TNRC18: variants seen among roughly 807,000 people sequenced by gnomAD.
TNRC18 encodes the protein trinucleotide repeat containing 18.
TNRC18 carries 69 observed loss-of-function variants against 226.7 expected under a neutral mutation model. The ratio of observed to expected loss-of-function variants is 0.30; its 90% CI spans 0.25 to 0.37. The LOEUF is 0.37. Among genes scored for constraint, TNRC18 ranks in the 10% least tolerant of loss-of-function variants. The probability of loss-of-function intolerance (pLI) is 1.00; values close to 1 mark genes in which losing one functional copy is unlikely to be tolerated. For missense variants in TNRC18, 4,754 were observed against 4,256.6 expected (o/e 1.12, Z -3.25); for synonymous variants, 2,449 against 1,927.6 (o/e 1.27, Z -7.09).
chr7:5,389,260 G>T lies in TNRC18; in HGVS notation c.564C>A (p.Gly188=). The part of the protein sequence containing the change: ...SHAPSARTPG[G]GHSSGAPAKG... ...TGGCCGGGGCGCCCGAGGAGTGGCC[G>T]CCGCCAGGGGTCCGGGCCGAGGGCG... is the stretch of plus-strand genomic sequence containing the variant. Residue 188 remains glycine (G), a synonymous_variant, in exon 5 of 30, where the codon GGC becomes GGA. Transcript: ENST00000430969. 1 of 1,309,954 alleles carries T rather than the reference G, an allele frequency of 7.6e-7. No individual in the cohort carries two copies. The highest frequency in any genetic ancestry group is 9.7e-7 in the Non-Finnish European group (1 of 1,030,988). The allele number at this position is 1,309,954 out of a possible 1,614,324, so 81.1% of individuals were successfully genotyped here. A position where few individuals can be genotyped will look rare whatever the true frequency, so the allele number is the denominator to read the frequency against.
At position 5,332,796 on chromosome 7, in the gene TNRC18, G is replaced by A. The variant is rs1179097188; in HGVS notation, c.5973C>T (p.Asp1991=). 8 of 1,512,668 alleles carry A rather than the reference G, an allele frequency of 5.3e-6. No individual in the cohort carries two copies. Among genetic ancestry groups the A allele is most frequent in the Middle Eastern group, 2.3e-4 (1 of 4,394 alleles). The allele number at this position is 1,512,668 out of a possible 1,614,324, so 93.7% of individuals were successfully genotyped here. A position where few individuals can be genotyped will look rare whatever the true frequency, so the allele number is the denominator to read the frequency against. The change falls in exon 19 of 30, where the codon GAC becomes GAT. Residue 1991 remains aspartate (D), a synonymous_variant. Coordinates refer to ENST00000430969, the MANE Select transcript of TNRC18 (RefSeq NM_001080495.3). Reference sequence around the variant, plus strand: ...CGCTGCGGCGCCGCGTCCACAGGTCGTCGTCGCTGGCCTCGGGCCCCGCCT... The same window carrying A: ...CGCTGCGGCGCCGCGTCCACAGGTCATCGTCGCTGGCCTCGGGCCCCGCCT... ...GFEAGPEASD[D]DLWTRRRSER... is the part of the protein sequence containing the mutation.
At position 5,406,642 on chromosome 7, in the gene TNRC18, G is replaced by A. The variant is rs191780011; in HGVS notation, c.188-12047C>T. 3.9e-3 allele frequency among the ~76,000 whole-genome samples: 590 copies of A among 152,118 alleles called. 1 individual carries two copies. Among genetic ancestry groups the A allele is most frequent in the Non-Finnish European group, 5.9e-3 (398 of 67,994 alleles). On this transcript the variant is annotated intron_variant, in intron 2 of 29. Transcript: ENST00000430969. ...GAAGCGGGCGGATCACCTGAAGTCA[G>A]GAGTTCGACACCAGCCTGGCCAACA...
intron 29 of TNRC18, among the ~76,000 whole-genome samples, 164 bp downstream of exon 29, chr7:5,308,711 C>G (rs1343469758): frequency 2.0e-5 from 3 of 152,120 alleles, no homozygotes; most frequent in Non-Finnish European, 2.9e-5. Flanking sequence ...ACCAGAGAGA[C>G]AGAGAACAGG....
intron 2 of TNRC18, among the ~76,000 whole-genome samples, chr7:5,410,183 C>CGGT (rs1241730086): frequency 1.4e-5 from 2 of 138,844 alleles, no homozygotes; most frequent in East Asian, 2.2e-4. Context: ...TGGTGGCACA[C>CGGT]GCCTGAAATC....
At position 5,316,926 on chromosome 7, in the gene TNRC18, T is replaced by G. The variant is rs1362340200; in HGVS notation, c.6746-854A>C. On this transcript the variant is annotated intron_variant, in intron 24 of 29. Coordinates refer to ENST00000430969, the MANE Select transcript of TNRC18 (RefSeq NM_001080495.3). ...AGGGAGACCTCAACACTGAACAGGC[T>G]GAGGGTGGCCCAGCTGGCAGGAGCT... is the stretch of plus-strand genomic sequence containing the variant. Among the ~76,000 whole-genome samples the G allele has an allele frequency of 2.6e-5, 4 of 152,166 alleles. 1 individual carries two copies. The highest frequency in any genetic ancestry group is 5.9e-5 in the Non-Finnish European group (4 of 67,974).
At chr7:5,416,111 CAA>C (rs35630581) in intron 2 of TNRC18, among the ~76,000 whole-genome samples, 2,336 of 83,080 alleles carry the variant, frequency 0.028, 64 homozygotes, top group African/African-American at 0.1. Flanking sequence ...GACTCTCTCG[CAA>C]AAAAAAAAAA....
rs1413032413 is a variant in TNRC18, at chr7:5,312,626, G to A, written c.8265C>T (p.Val2755=). Residue 2755 remains valine, a synonymous_variant, in exon 27 of 30, where the codon GTC becomes GTT. Coordinates refer to ENST00000430969, the MANE Select transcript of TNRC18 (RefSeq NM_001080495.3). This position sits in a 1 kb window ranked among gnomAD's most constrained non-coding sequence, Gnocchi z 6.3. ...AKSRPKKREG[V]HLPTTKELAK... ...CCAGCTCCTTGGTGGTGGGGAGGTG[G>A]ACGCCCTCTCTCTTCTTGGGTCGGC... 1.9e-6 allele frequency: 3 copies of A among 1,610,392 alleles called. No individual in the cohort carries two copies. Among genetic ancestry groups the A allele is most frequent in the South Asian group, 2.2e-5 (2 of 90,926 alleles).
chr7:5,414,377 C>A (rs1782029786), intron 2 of TNRC18, among the ~76,000 whole-genome samples: 1 of 151,534 alleles, frequency 6.6e-6, no homozygotes, highest in South Asian at 2.1e-4. Context: ...AAGTTGTAGA[C>A]TCTATGTCCC....
At chr7:5,386,073 G>A (rs1199774018) in intron 5 of TNRC18, among the ~76,000 whole-genome samples, 2 of 151,566 alleles carry the variant, frequency 1.3e-5, no homozygotes, top group African/African-American at 2.4e-5. Context: ...GATCACTTGA[G>A]GTCAGGAGTT....
chr7:5,418,700 G>C (rs1332879023), intron 2 of TNRC18, among the ~76,000 whole-genome samples: 2 of 152,206 alleles, frequency 1.3e-5, no homozygotes, highest in Non-Finnish European at 1.5e-5. Flanking sequence ...CTAAGGTGCC[G>C]ACAGCCAAGG....
chr7:5,403,650 G>A (rs1185018938), intron 2 of TNRC18, among the ~76,000 whole-genome samples: 1 of 151,988 alleles, frequency 6.6e-6, no homozygotes, highest in Non-Finnish European at 1.5e-5. Context: ...AAATTAGCCA[G>A]GCTTAGTGGT....
At chr7:5,338,588 T>C (rs1475265004) in intron 18 of TNRC18, among the ~76,000 whole-genome samples, 1 of 140,520 alleles carries the variant, frequency 7.1e-6, no homozygotes, top group East Asian at 2.1e-4. Context: ...ATTGTGTCAC[T>C]GCACTCCAGC....
chr7:5,362,760 G>C lies in TNRC18; in HGVS notation c.4285C>G (p.Leu1429Val), dbSNP rs1337535529. 2 of 1,571,740 alleles carry C rather than the reference G, an allele frequency of 1.3e-6. No homozygotes were observed. Among genetic ancestry groups the C allele is most frequent in the East Asian group, 2.4e-5 (1 of 42,376 alleles). Residue 1429 changes from leucine (L) to valine (V), a missense_variant, in exon 12 of 30, where the codon CTG (leucine) becomes GTG (valine). Transcript: ENST00000430969. ...ESLLAAGSHM[L>V]REVLDGPVVD... Reference sequence around the variant, plus strand: ...ACGGGCCCATCCAGCACCTCCCTCAGCATGTGGCTGCCAGCTGCCAGCAGA... The same window carrying C: ...ACGGGCCCATCCAGCACCTCCCTCACCATGTGGCTGCCAGCTGCCAGCAGA...
At chr7:5,339,146 A>G (rs1188988065) in intron 18 of TNRC18, among the ~76,000 whole-genome samples, 1 of 151,018 alleles carries the variant, frequency 6.6e-6, no homozygotes, top group African/African-American at 2.4e-5. Flanking sequence ...AAAAATTGCA[A>G]TTGTTTTGGG....
At chr7:5,390,754 C>T in intron 3 of TNRC18, 126 bp from the exon 4 acceptor site, 1 of 1,110,596 alleles carries the variant, frequency 9.0e-7, no homozygotes, top group Non-Finnish European at 1.2e-6. Flanking sequence ...TGAGGTTTAA[C>T]AGCAGCTCCT....
intron 18 of TNRC18, 98 bp from the exon 19 acceptor site, chr7:5,333,147 C>T (rs1789731672): frequency 2.2e-6 from 3 of 1,354,750 alleles, no homozygotes; most frequent in Non-Finnish European, 3.0e-6. Context: ...CGGGACCTCC[C>T]CGCCAATGGC....
At chr7:5,397,370 C>T (rs1223874339) in intron 2 of TNRC18, among the ~76,000 whole-genome samples, 5 of 152,224 alleles carry the variant, frequency 3.3e-5, no homozygotes, top group Non-Finnish European at 2.9e-5. Context: ...GGCCCCTGCC[C>T]GGGCTTGTGA....
intron 19 of TNRC18, among the ~76,000 whole-genome samples, chr7:5,329,349 T>A (rs1050438029): frequency 2.7e-4 from 41 of 150,012 alleles, no homozygotes; most frequent in African/African-American, 9.7e-4. Flanking sequence ...CCATCCCATG[T>A]GGCAGTACAC....
rs775140352 is a variant in TNRC18 at position 5,388,036 on chromosome 7, G to C, written c.1788C>G (p.Ala596=). Residue 596 remains alanine, a synonymous_variant, in exon 5 of 30, where the codon GCC becomes GCG. Coordinates refer to ENST00000430969, the MANE Select transcript of TNRC18 (RefSeq NM_001080495.3). ...QSLIKYSGSF[A]RDAVAVRPGG... ...CAGGGCGCACGGCCACGGCGTCCCG[G>C]GCAAAGCTGCCACTGTACTTTATAA... 3.2e-6 allele frequency: 5 copies of C among 1,564,054 alleles called. No individual in the cohort carries two copies. In the South Asian group the frequency reaches 3.5e-5, roughly 11 times the overall value.
Sources: gnomAD v4.1 joint callset for allele counts (sites outside exome capture counted in the v4.1 genomes callset) on GRCh38, gnomAD v4.1.1 for gene constraint, Gnocchi (gnomAD v3.1) non-coding constraint, MANE v1.5 for transcripts, NCBI Gene and HGNC (gene_info 2026-07-23, HGNC 2026-07-21) for gene names.